ADGRG1: variants seen among roughly 807,000 people sequenced by gnomAD.
ADGRG1 encodes adhesion G protein-coupled receptor G1, also known as 7-transmembrane protein with no EGF-like N-terminal domains-1.
ADGRG1 carries 53 observed loss-of-function variants against 73.5 expected under a neutral mutation model. That is an observed-to-expected ratio of 0.72 (90% CI 0.58 to 0.91). The LOEUF (loss-of-function observed/expected upper bound fraction) is 0.91. ADGRG1 is among the 40% of genes least tolerant of loss of function. The probability of loss-of-function intolerance (pLI) is 0.00; values close to 1 mark genes in which losing one functional copy is unlikely to be tolerated. For synonymous variants in ADGRG1, 394 were observed against 374.4 expected (o/e 1.05, Z -0.60); for missense variants, 795 against 871.8 (o/e 0.91, Z 1.11).
chr16:57,628,270 C>T (rs2036300298), upstream of ADGRG1: 1 of 818,230 alleles, frequency 1.2e-6, no homozygotes, highest in African/African-American at 1.8e-5. Context: ...CATCCAAGGG[C>T]CCTGTTGCCG....
intron 1 of ADGRG1, chr16:57,629,436 G>A (rs2037097733): frequency 6.6e-6 from 1 of 152,446 alleles, no homozygotes. Flanking sequence ...GAGGCTCTGG[G>A]AGGGCAGGTG....
In ADGRG1 at chr16:57,651,999, C is replaced by T. The variant is rs1301967029; in HGVS notation, c.487+377C>T. 4 of 1,213,358 alleles carry T rather than the reference C, an allele frequency of 3.3e-6. No individual in the cohort carries two copies. The Admixed American group carries it at 1.1e-4, about 33-fold the overall frequency. The allele number at this position is 1,213,358 out of a possible 1,614,324, so 75.2% of individuals were successfully genotyped here. On this transcript the variant is annotated intron_variant, in intron 3 of 13. Coordinates refer to ENST00000562631, the MANE Select transcript of ADGRG1 (RefSeq NM_201525.4). The stretch of plus-strand genomic sequence containing the variant: ...ATCAAGAGCCCCAGGAAGAATTCTT[C>T]CTCAGCATCAGTGTAGACTGTTTAT...
At chr16:57,661,516 C>A in intron 12 of ADGRG1, 181 bp from the exon 13 acceptor site, 1 of 983,084 alleles carries the variant, frequency 1.0e-6, no homozygotes, top group Non-Finnish European at 1.2e-6. Context: ...TTAACATTTT[C>A]CTTTAAACAA....
intron 1 of ADGRG1, chr16:57,644,180 C>G: frequency 1.0e-6 from 1 of 985,304 alleles, no homozygotes; most frequent in Non-Finnish European, 1.2e-6. Flanking sequence ...CTTGCTTTCT[C>G]CTCCTGGCCC....
In ADGRG1 at chr16:57,653,195, TC is replaced by T; in HGVS notation, c.488-3del. The T allele has an allele frequency of 1.2e-6, 2 of 1,604,766 alleles. No homozygotes were observed. ...GCCTCGGCGGGGGCCTGTCCACCCC[TC>T]CCCCAGGTCCTCCCCACACGGCCGC... On this transcript the variant is annotated splice_region_variant and splice_polypyrimidine_tract_variant and intron_variant, in intron 3 of 13. Transcript: ENST00000562631.
rs534123652 is a variant in ADGRG1, at chr16:57,630,746, G to A, written c.-36+1944G>A. 1.8e-4 allele frequency: 42 copies of A among 234,996 alleles called. No homozygotes were observed. The South Asian group carries it at 6.0e-3, about 34-fold the overall frequency. The allele number at this position is 234,996 out of a possible 1,614,324, so 14.6% of individuals were successfully genotyped here. ...CAGAGAAGGGGAAGAGGACCAGGGA[G>A]CCTCTGCGGAAGGCACTTAGGCTGG... On this transcript the variant is annotated intron_variant, in intron 1 of 13. Coordinates refer to ENST00000562631, the MANE Select transcript of ADGRG1 (RefSeq NM_201525.4).
chr16:57,629,052 G>A (rs1429770042), intron 1 of ADGRG1: 7 of 524,352 alleles, frequency 1.3e-5, no homozygotes, highest in African/African-American at 4.4e-5. Context: ...GTGAGTGTGT[G>A]TGAGTATGAG....
In ADGRG1 at chr16:57,661,943, C is replaced by T; in HGVS notation, c.1911C>T (p.Phe637=). ...TCCAGCTTGTCGTCCTCTACCTTTTCAGCATCATCACCTCCTTCCAAGGTA... is the reference window on the plus strand; with the variant it reads ...TCCAGCTTGTCGTCCTCTACCTTTTTAGCATCATCACCTCCTTCCAAGGTA... ...GTFQLVVLYL[F]SIITSFQGFL... is the part of the protein sequence containing the mutation. The change falls in exon 13 of 14, where the codon TTC becomes TTT. Residue 637 remains phenylalanine (F), a synonymous_variant. Transcript: ENST00000562631. 1.2e-6 allele frequency: 2 copies of T among 1,614,150 alleles called. No individual in the cohort carries two copies. Among genetic ancestry groups the T allele is most frequent in the East Asian group, 2.2e-5 (1 of 44,890 alleles).
intron 1 of ADGRG1, among the ~76,000 whole-genome samples, chr16:57,649,267 A>C (rs1184660342): frequency 6.6e-6 from 1 of 152,086 alleles, no homozygotes; most frequent in Non-Finnish European, 1.5e-5. Flanking sequence ...TTGATCCTTT[A>C]GTTCCTTCAC....
At position 57,653,215 on chromosome 16, in the gene ADGRG1, C is replaced by A. The variant is rs377590979; in HGVS notation, c.500C>A (p.Thr167Lys). ...ACCCCTCCCCCAGGTCCTCCCCACA[C>A]GGCCGCTCACAATGCCTCGGTGGAC... is the stretch of plus-strand genomic sequence containing the variant. ...FTFSFHSPPH[T>K]AAHNASVDMC... is the part of the protein sequence containing the mutation. The change falls in exon 4 of 14, where the codon ACG becomes AAG. Residue 167 changes from threonine to lysine, a missense_variant. Coordinates refer to ENST00000562631, the MANE Select transcript of ADGRG1 (RefSeq NM_201525.4). The A allele has an allele frequency of 1.2e-6, 2 of 1,609,776 alleles. No homozygotes were observed. The highest frequency in any genetic ancestry group is 1.1e-5 in the South Asian group (1 of 91,076).
At position 57,656,999 on chromosome 16, in the gene ADGRG1, G is replaced by A. The variant is rs1172209817; in HGVS notation, c.1168-374G>A. On this transcript the variant is annotated intron_variant, in intron 9 of 13. Coordinates refer to ENST00000562631, the MANE Select transcript of ADGRG1 (RefSeq NM_201525.4). ...CCTCAGAATTCATGCTCCCAGGACT[G>A]TAGGATTCTGCCTGTGGGTATCCAC... Among the ~76,000 whole-genome samples, 6 of 152,356 alleles carry A rather than the reference G, an allele frequency of 3.9e-5. No individual in the cohort carries two copies. In the East Asian group the frequency reaches 1.2e-3, roughly 29 times the overall value.
rs1451724679 is a variant in ADGRG1, at chr16:57,645,094, A to C, written c.-35-5159A>C. 3.0e-6 allele frequency: 3 copies of C among 985,298 alleles called. No homozygotes were observed. The East Asian group carries it at 3.4e-4, about 112-fold the overall frequency. The allele number at this position is 985,298 out of a possible 1,614,324, so 61.0% of individuals were successfully genotyped here. On this transcript the variant is annotated intron_variant, in intron 1 of 13. Coordinates refer to ENST00000562631, the MANE Select transcript of ADGRG1 (RefSeq NM_201525.4). Reference sequence around the variant, plus strand: ...ACACCCACATGCCTGTGTAACTCGCAGGAGTTCATCCTCACCCTGCCGCCC... The same window carrying C: ...ACACCCACATGCCTGTGTAACTCGCCGGAGTTCATCCTCACCCTGCCGCCC...
chr16:57,641,565 CTTTTT>C (rs35725310), intron 1 of ADGRG1: 320 of 904,722 alleles, frequency 3.5e-4, no homozygotes, highest in Middle Eastern at 5.5e-4. Context: ...TCTAAAAGTC[CTTTTT>C]TTTTTTTTTT....
At chr16:57,658,690 AG>A (rs1360742328) in intron 10 of ADGRG1, among the ~76,000 whole-genome samples, 1 of 152,214 alleles carries the variant, frequency 6.6e-6, no homozygotes, top group Non-Finnish European at 1.5e-5. Flanking sequence ...AACATGCCCA[AG>A]GACACAGCAC....
chr16:57,633,047 G>T, intron 1 of ADGRG1: 3 of 707,694 alleles, frequency 4.2e-6, no homozygotes, highest in Admixed American at 6.3e-5. Context: ...CCCCCAGCCT[G>T]GATGCTCAAG....
At chr16:57,652,967 C>A (rs2044486390) in intron 3 of ADGRG1, 11 of 1,402,160 alleles carry the variant, frequency 7.8e-6, no homozygotes, top group Non-Finnish European at 8.4e-6. Context: ...GCACATCCCA[C>A]CCCATCCCGC....
At chr16:57,654,599 G>A (rs953214440) in intron 5 of ADGRG1, among the ~76,000 whole-genome samples, 2 of 152,148 alleles carry the variant, frequency 1.3e-5, no homozygotes, top group African/African-American at 4.8e-5. Flanking sequence ...TCTTTGCAAG[G>A]CTAGGTGCAG....
intron 12 of ADGRG1, chr16:57,661,222 G>A: frequency 2.2e-6 from 2 of 919,974 alleles, no homozygotes; most frequent in Non-Finnish European, 2.6e-6. Context: ...GAGGCTCAGG[G>A]AGGGAAGAGA....
intron 10 of ADGRG1, 125 bp from the exon 11 acceptor site, chr16:57,659,288 C>T (rs1389911621): frequency 1.9e-6 from 3 of 1,565,378 alleles, no homozygotes; most frequent in Admixed American, 1.8e-5. Context: ...AGGATAGGGG[C>T]CATGTATGAC....
Sources: gnomAD v4.1 joint callset for allele counts (sites outside exome capture counted in the v4.1 genomes callset) on GRCh38, gnomAD v4.1.1 for gene constraint, MANE v1.5 for transcripts, NCBI Gene and HGNC (gene_info 2026-07-23, HGNC 2026-07-21) for gene names.